Variants in CARMIL1 observed in about 807,000 individuals in gnomAD.
CARMIL1 encodes F-actin-uncapping protein LRRC16A.
CARMIL1 carries 90 observed loss-of-function variants against 177.1 expected under a neutral mutation model. The observed-to-expected ratio is 0.51, with a 90% CI of 0.43 to 0.61. The LOEUF is 0.61. CARMIL1 is among the 20% of genes least tolerant of loss of function. CARMIL1 has a pLI of 0.00. For synonymous variants in CARMIL1, 577 were observed against 606.2 expected (o/e 0.95, Z 0.71); for missense variants, 1,380 against 1,667.0 (o/e 0.83, Z 3.00).
chr6:25,378,112 A>G (rs1791169976), intron 2 of CARMIL1, among the ~76,000 whole-genome samples: 1 of 152,178 alleles, frequency 6.6e-6, no homozygotes, highest in Non-Finnish European at 1.5e-5. Flanking sequence ...CTGCTGGGGT[A>G]TATTGAAGGA....
At chr6:25,283,202 G>T (rs1475607406) in intron 1 of CARMIL1, among the ~76,000 whole-genome samples, 1 of 152,194 alleles carries the variant, frequency 6.6e-6, no homozygotes, top group African/African-American at 2.4e-5. Context: ...AAATGTGAAA[G>T]ACCTTGAATG....
chr6:25,523,423 G>A (rs1806773486), intron 23 of CARMIL1, among the ~76,000 whole-genome samples: 2 of 152,080 alleles, frequency 1.3e-5, no homozygotes, highest in Admixed American at 1.3e-4. Context: ...GTAGGTTCTA[G>A]TATTACAGAT....
chr6:25,586,558 C>T (rs1813725217), intron 31 of CARMIL1, among the ~76,000 whole-genome samples: 1 of 151,818 alleles, frequency 6.6e-6, no homozygotes. Flanking sequence ...GGGGTGGCGG[C>T]CAGGCAGAGG....
intron 9 of CARMIL1, among the ~76,000 whole-genome samples, chr6:25,467,361 AAGG>A (rs1346854671): frequency 1.3e-5 from 2 of 152,190 alleles, no homozygotes; most frequent in Non-Finnish European, 2.9e-5. Context: ...GAGGAATGAG[AAGG>A]AGATTAGTCC....
At chr6:25,556,627 C>T (rs754080259) in intron 28 of CARMIL1, 74 bp from the exon 29 acceptor site, 4 of 1,417,130 alleles carry the variant, frequency 2.8e-6, no homozygotes, top group Middle Eastern at 2.4e-4. Context: ...TTGTGGAAGA[C>T]GTCTTCAGGA....
intron 36 of CARMIL1, among the ~76,000 whole-genome samples, chr6:25,614,161 A>T (rs1816713118): frequency 6.6e-6 from 1 of 152,184 alleles, no homozygotes; most frequent in Non-Finnish European, 1.5e-5. Context: ...TGCCAGGGAC[A>T]ACGTTTGGAG....
At chr6:25,536,620 C>T (rs762082447) in intron 24 of CARMIL1, among the ~76,000 whole-genome samples, 1 of 151,962 alleles carries the variant, frequency 6.6e-6, no homozygotes, top group Non-Finnish European at 1.5e-5. Flanking sequence ...AAAGAATGTG[C>T]GGTAGATATT....
chr6:25,281,927 C>A (rs988003354), intron 1 of CARMIL1, among the ~76,000 whole-genome samples: 7 of 151,878 alleles, frequency 4.6e-5, no homozygotes, highest in African/African-American at 1.7e-4. Context: ...CCAGCCTGAC[C>A]AACATGAAGA....
chr6:25,611,113 AG>A (rs1414114950), intron 36 of CARMIL1, among the ~76,000 whole-genome samples: 1 of 152,216 alleles, frequency 6.6e-6, no homozygotes, highest in East Asian at 1.9e-4. Context: ...TGAAGTTAAT[AG>A]AAAGTGTTAC....
At chr6:25,520,945 C>G (rs148720568) in intron 23 of CARMIL1, among the ~76,000 whole-genome samples, 227 of 152,244 alleles carry the variant, frequency 1.5e-3, no homozygotes, top group African/African-American at 5.0e-3. Context: ...CCACCTTTCT[C>G]TGCATTTTAG....
intron 2 of CARMIL1, among the ~76,000 whole-genome samples, chr6:25,302,439 T>A (rs1782929517): frequency 6.6e-6 from 1 of 152,240 alleles, no homozygotes. Flanking sequence ...AGGATTCTCT[T>A]ATTCTCCAAC....
chr6:25,517,308 T>C lies in CARMIL1; in HGVS notation c.1806-39T>C, dbSNP rs755882337. 2.7e-6 allele frequency: 4 copies of C among 1,490,480 alleles called. No individual in the cohort carries two copies. The East Asian group carries it at 9.0e-5, about 34-fold the overall frequency. 92.3% of individuals were successfully genotyped at this position (1,490,480 alleles called of 1,614,324 possible). A position where few individuals can be genotyped will look rare whatever the true frequency, so the allele number is the denominator to read the frequency against. On this transcript the variant is annotated intron_variant, in intron 21 of 36. Transcript: ENST00000329474. ...TATTCAATGTGAGAATCATTTTCTT[T>C]AAGTGTCTGATCATTTATGTGATTT...
At chr6:25,455,861 C>T (rs1019679734) in intron 8 of CARMIL1, among the ~76,000 whole-genome samples, 2 of 152,190 alleles carry the variant, frequency 1.3e-5, no homozygotes, top group African/African-American at 4.8e-5. Context: ...GCAGCTTGCT[C>T]ATCTGAAGCA....
At chr6:25,603,338 T>C (rs374215735) in intron 33 of CARMIL1, among the ~76,000 whole-genome samples, 20 of 152,344 alleles carry the variant, frequency 1.3e-4, no homozygotes, top group East Asian at 9.6e-4. Context: ...CTGCAGTGCT[T>C]GTATACACAT....
At chr6:25,575,327 T>A (rs1160667260) in intron 29 of CARMIL1, among the ~76,000 whole-genome samples, 1 of 152,198 alleles carries the variant, frequency 6.6e-6, no homozygotes, top group African/African-American at 2.4e-5. Context: ...CTTTCCTTCT[T>A]CGTGGGAACA....
rs530959522 is a variant in CARMIL1, at chr6:25,558,069, T to C, written c.2742+1219T>C. On this transcript the variant is annotated intron_variant, in intron 29 of 36. Transcript: ENST00000329474. The surrounding 1 kb of genome is among the most constrained non-coding windows in gnomAD (Gnocchi z 4.1). ...TTTAAAAACTTGGTTGTCCATCTTA[T>C]TATAACATTTATATTTCATAAGTAT... Among the ~76,000 whole-genome samples the C allele has an allele frequency of 3.2e-4, 48 of 152,328 alleles. No homozygotes were observed. Among genetic ancestry groups the C allele is most frequent in the African/African-American group, 1.1e-3 (47 of 41,574 alleles).
rs1192956796 is a variant in CARMIL1 at position 25,279,513 on chromosome 6, C to G, written c.-283C>G. 2.0e-6 allele frequency: 1 copy of G among 512,064 alleles called. No individual in the cohort carries two copies. The highest frequency in any genetic ancestry group is 1.9e-5 in the African/African-American group (1 of 51,398). The allele number at this position is 512,064 out of a possible 1,614,324, so 31.7% of individuals were successfully genotyped here. On this transcript the variant is annotated 5_prime_UTR_variant, in exon 1 of 37. Transcript: ENST00000329474. ...GGCGCCACAGCCGCCCCGCGCCCCG[C>G]GCCCGCTTGTAATCCGGTCCGCTCC...
At chr6:25,367,163 G>A (rs964456348) in intron 2 of CARMIL1, among the ~76,000 whole-genome samples, 4 of 152,174 alleles carry the variant, frequency 2.6e-5, no homozygotes, top group Non-Finnish European at 4.4e-5. Flanking sequence ...GATGTGGGGG[G>A]TGTGGTTTAG....
intron 2 of CARMIL1, among the ~76,000 whole-genome samples, chr6:25,301,798 C>T (rs762326042): frequency 6.6e-6 from 1 of 152,196 alleles, no homozygotes; most frequent in African/African-American, 2.4e-5. Flanking sequence ...GAAGCTGTTA[C>T]TTTCAGCTTG....
Sources: allele counts gnomAD v4.1 joint callset (sites outside exome capture counted in the v4.1 genomes callset), GRCh38; gene constraint gnomAD v4.1.1; non-coding constraint Gnocchi (gnomAD v3.1); transcripts MANE v1.5; gene names NCBI Gene and HGNC (gene_info 2026-07-23, HGNC 2026-07-21).